Variants in STN1 observed in about 807,000 individuals in gnomAD.
The protein encoded by STN1 is CST complex subunit STN1.
STN1 carries 29 observed loss-of-function variants against 45.5 expected under a neutral mutation model. The observed-to-expected ratio is 0.64, with a 90% confidence interval of 0.47 to 0.87. STN1 has a LOEUF of 0.87. STN1 is among the 40% of genes least tolerant of loss of function. STN1 has a pLI of 0.00. For missense variants in STN1, 376 were observed against 441.4 expected (o/e 0.85, Z 1.33); for synonymous variants, 148 against 159.0 (o/e 0.93, Z 0.52).
chr10:103,895,490 G>A (rs955110275), intron 7 of STN1, among the ~76,000 whole-genome samples: 3 of 152,224 alleles, frequency 2.0e-5, no homozygotes, highest in Non-Finnish European at 2.9e-5. Context: ...TGATTAAGTG[G>A]GAAGAAGGTC....
chr10:103,890,292 T>C (rs538651135), intron 8 of STN1, among the ~76,000 whole-genome samples: 1 of 152,290 alleles, frequency 6.6e-6, no homozygotes. Context: ...ATGACGAAGA[T>C]TAAACAAGGT....
chr10:103,899,958 A>G (rs1843196091), intron 5 of STN1, 104 bp downstream of exon 5: 3 of 948,336 alleles, frequency 3.2e-6, no homozygotes, highest in South Asian at 3.1e-5. Flanking sequence ...ATAGAGTTAT[A>G]CCTTAACTGA....
chr10:103,898,571 A>T (rs1376098743), intron 6 of STN1, among the ~76,000 whole-genome samples: 1 of 152,204 alleles, frequency 6.6e-6, no homozygotes, highest in African/African-American at 2.4e-5. Flanking sequence ...TCAAACTTGG[A>T]AAAATGTCAG....
rs1057519583 is a variant in STN1, at chr10:103,900,115, C to G, written c.404G>C (p.Arg135Thr). Reference sequence around the variant, plus strand: ...TTCTCTGTATGTGCGGATACTGCCTCTGACTCGGATCGTGTCCCCGATCTC... The same window carrying G: ...TTCTCTGTATGTGCGGATACTGCCTGTGACTCGGATCGTGTCCCCGATCTC... ...KIEIGDTIRVRGSIRTYREER... is the reference protein window; with the variant it reads ...KIEIGDTIRVTGSIRTYREER... Residue 135 changes from arginine to threonine, a missense_variant, in exon 5 of 10, where the codon AGA becomes ACA. By Grantham distance (71) the Arg-to-Thr change is moderately conservative. Coordinates refer to ENST00000224950, the MANE Select transcript of STN1 (RefSeq NM_024928.5). The G allele has an allele frequency of 6.2e-7, 1 of 1,614,216 alleles. No homozygotes were observed. Among genetic ancestry groups the G allele is most frequent in the African/African-American group, 1.3e-5 (1 of 75,066 alleles).
In STN1 at chr10:103,900,227, T is replaced by C. The variant is rs530738153; in HGVS notation, c.296-4A>G. The C allele has an allele frequency of 9.3e-6, 15 of 1,613,414 alleles. No homozygotes were observed. The South Asian group carries it at 1.5e-4, about 17-fold the overall frequency. On this transcript the variant is annotated splice_region_variant and splice_polypyrimidine_tract_variant and intron_variant, in intron 4 of 9. Transcript: ENST00000224950. ...TCTCTTGCTGCACTTGGAGCAGCTG[T>C]AGTTGTTTAGAGCCAGAGGGAAAGA... is the stretch of plus-strand genomic sequence containing the variant.
rs1347829287 is a variant in STN1, at chr10:103,879,240, G to A, written c.*3444C>T. ...CGTCAGGCACTGTTCTAGGTGCTGG[G>A]GACATGGAAGGAAACAAAACAGAGA... On this transcript the variant is annotated 3_prime_UTR_variant, in exon 10 of 10. Transcript: ENST00000224950. 1 of 152,278 alleles carries A rather than the reference G, an allele frequency of 6.6e-6. No individual in the cohort carries two copies. The highest frequency in any genetic ancestry group is 1.9e-4 in the East Asian group (1 of 5,192). 9.4% of individuals were successfully genotyped at this position (152,278 alleles called of 1,614,324 possible).
chr10:103,886,419 T>C (rs1479295398), intron 9 of STN1, among the ~76,000 whole-genome samples: 1 of 151,002 alleles, frequency 6.6e-6, no homozygotes, highest in Non-Finnish European at 1.5e-5. Flanking sequence ...TTTTGATAAA[T>C]TGGAATATTT....
At chr10:103,918,060 C>T (rs1843347178) in intron 1 of STN1, 40 bp downstream of exon 1, 1 of 153,730 alleles carries the variant, frequency 6.5e-6, no homozygotes, top group East Asian at 1.9e-4. Flanking sequence ...GGGGATGAGC[C>T]AAGAAAAGGA....
intron 9 of STN1, among the ~76,000 whole-genome samples, chr10:103,883,565 A>G (rs1482892912): frequency 6.6e-6 from 1 of 152,146 alleles, no homozygotes; most frequent in Non-Finnish European, 1.5e-5. Flanking sequence ...AGACACGACC[A>G]TGAAACGGAA....
Position 103,897,717 on chromosome 10 carries a change from T to A in STN1, c.584A>T (p.Asn195Ile). 1 of 1,614,068 alleles carries A rather than the reference T, an allele frequency of 6.2e-7. No homozygotes were observed. Among genetic ancestry groups the A allele is most frequent in the Non-Finnish European group, 8.5e-7 (1 of 1,179,962 alleles). ...ACTGGGGAGGTCCAGGGCGCCTGGA[T>A]TGCTGCGGAGGGAAAGTTTTAAAGA... ...SALEKEEALS[N>I]PGALDLPSLT... The change falls in exon 7 of 10, where the codon AAT becomes ATT. Residue 195 changes from asparagine to isoleucine, a missense_variant and splice_region_variant. Physicochemically the swap from Asn to Ile is moderately radical, Grantham distance 149. Transcript: ENST00000224950.
chr10:103,890,249 G>A (rs1281377263), intron 8 of STN1, among the ~76,000 whole-genome samples: 1 of 152,188 alleles, frequency 6.6e-6, no homozygotes, highest in African/African-American at 2.4e-5. Flanking sequence ...GGGGCATCTT[G>A]AGAACACCTG....
chr10:103,898,866 TCAC>T lies in STN1; in HGVS notation c.581+8_581+10del. 6.2e-7 allele frequency: 1 copy of T among 1,613,486 alleles called. No homozygotes were observed. The highest frequency in any genetic ancestry group is 8.5e-7 in the Non-Finnish European group (1 of 1,179,860). On this transcript the variant is annotated splice_region_variant and intron_variant, in intron 6 of 9. Transcript: ENST00000224950. ...TGGTCACGTGCTCAGCAGTGATAAG[TCAC>T]CACTTACCTTAGTGCCTCTTCTTTC...
At position 103,910,558 on chromosome 10, in the gene STN1, C is replaced by T. The variant is rs142324091; in HGVS notation, c.198G>A (p.Val66=). The T allele has an allele frequency of 6.5e-5, 105 of 1,608,996 alleles. No homozygotes were observed. Among genetic ancestry groups the T allele is most frequent in the Non-Finnish European group, 8.3e-5 (98 of 1,175,648 alleles). ...QVDVLGTVIG[V]RERDAFYSYG... ...AACTGTAGAAAGCATCTCTTTCTCT[C>T]ACTCCAATGACAGTTCCCAAGACAT... The change falls in exon 3 of 10, where the codon GTG becomes GTA. Residue 66 remains valine, a synonymous_variant. Coordinates refer to ENST00000224950, the MANE Select transcript of STN1 (RefSeq NM_024928.5).
rs76700159 is a variant in STN1, at chr10:103,910,344, C to T, written c.229+183G>A. Among the ~76,000 whole-genome samples the T allele has an allele frequency of 8.4e-3, 1,271 of 152,212 alleles. 17 individuals carry two copies. Among genetic ancestry groups the T allele is most frequent in the African/African-American group, 0.029 (1,187 of 41,540 alleles). ...ACTGAATTCATCAGTATCATTCCTA[C>T]CCGTTGCCTCATTTTATTCTTAGCC... is the stretch of plus-strand genomic sequence containing the variant. On this transcript the variant is annotated intron_variant, in intron 3 of 9. Transcript: ENST00000224950.
intron 9 of STN1, 30 bp downstream of exon 9, chr10:103,889,042 A>C (rs1373927916): frequency 1.3e-6 from 2 of 1,491,170 alleles, no homozygotes; most frequent in African/African-American, 1.4e-5. Context: ...CCAGGGCACC[A>C]GGGCATCACT....
At chr10:103,886,375 G>A (rs982404158) in intron 9 of STN1, among the ~76,000 whole-genome samples, 10 of 151,158 alleles carry the variant, frequency 6.6e-5, no homozygotes, top group South Asian at 2.1e-4. Flanking sequence ...AGGGTATATC[G>A]GTGTTTATTG....
At chr10:103,910,730 G>C in intron 2 of STN1, 108 bp from the exon 3 acceptor site, 1 of 602,600 alleles carries the variant, frequency 1.7e-6, no homozygotes, top group South Asian at 2.0e-5. Flanking sequence ...AATCCATGCT[G>C]TTTGCTGAAA....
chr10:103,883,181 G>A (rs551980406), intron 9 of STN1, among the ~76,000 whole-genome samples: 8 of 152,204 alleles, frequency 5.3e-5, no homozygotes, highest in South Asian at 2.1e-4. Flanking sequence ...TAAGTGTAAC[G>A]TATTCAGTGC....
intron 7 of STN1, among the ~76,000 whole-genome samples, chr10:103,892,956 C>G (rs996995959): frequency 6.6e-6 from 1 of 152,218 alleles, no homozygotes; most frequent in South Asian, 2.1e-4. Context: ...TATGTCCCCC[C>G]ATGCTTGACC....
Sources: allele counts gnomAD v4.1 joint callset (sites outside exome capture counted in the v4.1 genomes callset), GRCh38; gene constraint gnomAD v4.1.1; transcripts MANE v1.5; gene names NCBI Gene and HGNC (gene_info 2026-07-23, HGNC 2026-07-21).